The following MRPS6 variants were observed in gnomAD, a reference collection of about 807,000 sequenced individuals.
The protein encoded by MRPS6 is mitochondrial ribosomal protein S6, also known as small ribosomal subunit protein bS6m.
MRPS6 carries 6 observed loss-of-function variants against 13.1 expected under a neutral mutation model. The ratio of observed to expected loss-of-function variants is 0.46; its 90% CI spans 0.25 to 0.91. MRPS6 has a LOEUF of 0.91. Among genes scored for constraint, MRPS6 ranks in the 40% least tolerant of loss-of-function variants. MRPS6 has a pLI of 0.18. For missense variants in MRPS6, 164 were observed against 155.6 expected, an observed-to-expected ratio of 1.05 and a Z score of -0.29; for synonymous variants, 61 against 56.5, an observed-to-expected ratio of 1.08 and a Z score of -0.36.
intron 1 of MRPS6, among the ~76,000 whole-genome samples, chr21:34,092,307 T>G (rs1286595110): frequency 6.6e-6 from 1 of 152,242 alleles, no homozygotes; most frequent in Non-Finnish European, 1.5e-5. Flanking sequence ...TTGTTTTTCC[T>G]TTTCCAGTCT....
At chr21:34,092,912 T>C (rs1001801962) in intron 1 of MRPS6, among the ~76,000 whole-genome samples, 1 of 152,162 alleles carries the variant, frequency 6.6e-6, no homozygotes, top group Non-Finnish European at 1.5e-5. Context: ...GGCCTGAGGA[T>C]GACTTGGATG....
At chr21:34,104,615 GGA>G in intron 1 of MRPS6, 1 of 1,000,176 alleles carries the variant, frequency 1.0e-6, no homozygotes, top group Non-Finnish European at 1.2e-6. Context: ...ACACTTTGAG[GGA>G]GAGATTATTC....
rs1332299877 is a variant in MRPS6, at chr21:34,096,903, G to A, written c.45+23158G>A. On this transcript the variant is annotated intron_variant, in intron 1 of 2. Transcript: ENST00000399312. This position sits in a 1 kb window ranked among gnomAD's most constrained non-coding sequence, Gnocchi z 5.9. ...AAAAGAGGAACCATACAAAATGCAA[G>A]AAAAGAGCATTCTGAGATGCAGTGA... 6.2e-7 allele frequency: 1 copy of A among 1,614,096 alleles called. No homozygotes were observed. The highest frequency in any genetic ancestry group is 8.5e-7 in the Non-Finnish European group (1 of 1,179,984).
chr21:34,104,209 C>G (rs960026634), intron 1 of MRPS6: 20 of 999,892 alleles, frequency 2.0e-5, no homozygotes, highest in African/African-American at 3.5e-5. Flanking sequence ...AATTCTGAAG[C>G]ATATTTGCTA....
intron 2 of MRPS6, chr21:34,135,743 G>A: frequency 2.2e-6 from 1 of 452,798 alleles, no homozygotes; most frequent in Non-Finnish European, 4.4e-6. Flanking sequence ...TCGCCTGTGA[G>A]CAGGTGGATG....
At chr21:34,105,857 A>G in intron 1 of MRPS6, 1 of 994,916 alleles carries the variant, frequency 1.0e-6, no homozygotes, top group Non-Finnish European at 1.2e-6. Context: ...TGAAAGGAGT[A>G]CAGTTGAAAT....
chr21:34,131,244 A>T (rs1980491402), intron 2 of MRPS6, among the ~76,000 whole-genome samples: 2 of 152,096 alleles, frequency 1.3e-5, no homozygotes, highest in Non-Finnish European at 2.9e-5. Context: ...TTGAGTGAGG[A>T]GTTGATCGTG....
intron 1 of MRPS6, among the ~76,000 whole-genome samples, chr21:34,078,157 C>T (rs990352959): frequency 1.3e-5 from 2 of 152,048 alleles, no homozygotes; most frequent in African/African-American, 2.4e-5. Flanking sequence ...TTTTTCTTCC[C>T]ATGGGCCCTC....
At position 34,142,578 on chromosome 21, in the gene MRPS6, CCACAAAGAA is replaced by C; in HGVS notation, c.357_365del (p.Thr120_Lys122del). On this transcript the variant is annotated inframe_deletion, in exon 3 of 3. Coordinates refer to ENST00000399312, the MANE Select transcript of MRPS6 (RefSeq NM_032476.4). ...GTCCCACTCGCAGAAAAATTATATT[CCACAAAGAA>C]GAGGAAGAAGTGAGAAGATTCGCCA... 1 of 1,603,300 alleles carries C rather than the reference CCACAAAGAA, an allele frequency of 6.2e-7. No individual in the cohort carries two copies. Among genetic ancestry groups the C allele is most frequent in the Non-Finnish European group, 8.5e-7 (1 of 1,176,604 alleles).
At position 34,095,009 on chromosome 21, in the gene MRPS6, GTCT is replaced by G. The variant is rs1978899033; in HGVS notation, c.45+21270_45+21272del. 1.5e-5 allele frequency: 10 copies of G among 649,898 alleles called. No homozygotes were observed. In the Admixed American group the frequency reaches 2.8e-4, roughly 18 times the overall value. The allele number at this position is 649,898 out of a possible 1,614,324, so 40.3% of individuals were successfully genotyped here. On this transcript the variant is annotated intron_variant, in intron 1 of 2. Coordinates refer to ENST00000399312, the MANE Select transcript of MRPS6 (RefSeq NM_032476.4). ...AATTAAGAAGCGGAAAATTTAAACT[GTCT>G]TCTTCAAAGTTTATCACAACCACCA...
intron 2 of MRPS6, among the ~76,000 whole-genome samples, chr21:34,127,871 T>C (rs563492568): frequency 6.6e-6 from 1 of 152,304 alleles, no homozygotes; most frequent in East Asian, 1.9e-4. Flanking sequence ...GAAACAGTGG[T>C]TTTATTGGTT....
chr21:34,120,660 G>A (rs1481218997), intron 1 of MRPS6, among the ~76,000 whole-genome samples: 2 of 151,904 alleles, frequency 1.3e-5, no homozygotes, highest in Non-Finnish European at 2.9e-5. Flanking sequence ...TACCTAATCA[G>A]CAAATAATTA....
At chr21:34,117,879 C>T (rs977503162) in intron 1 of MRPS6, among the ~76,000 whole-genome samples, 22 of 152,128 alleles carry the variant, frequency 1.4e-4, no homozygotes, top group Middle Eastern at 3.4e-3. Context: ...GATGTTTTCC[C>T]GCATGTAACT....
At chr21:34,093,151 C>CT (rs2148658403) in intron 1 of MRPS6, among the ~76,000 whole-genome samples, 1 of 151,616 alleles carries the variant, frequency 6.6e-6, no homozygotes, top group African/African-American at 2.4e-5. Flanking sequence ...AACTTGGAAG[C>CT]TTTTGGGGGT....
At chr21:34,108,490 G>A (rs1021654981) in intron 1 of MRPS6, among the ~76,000 whole-genome samples, 2 of 152,126 alleles carry the variant, frequency 1.3e-5, no homozygotes, top group Admixed American at 6.5e-5. Context: ...ACTGCCTAAC[G>A]ACGCATTTCT....
At chr21:34,135,346 GTTTTTTTTTTTTTTT>G (rs747809642) in intron 2 of MRPS6, 1 of 146,426 alleles carries the variant, frequency 6.8e-6, no homozygotes, top group South Asian at 8.9e-5. Flanking sequence ...ATGAGAGCCG[GTTTTTTTTTTTTTTT>G]TTTTTTTTTT....
intron 1 of MRPS6, chr21:34,101,015 G>T: frequency 1.0e-5 from 10 of 1,000,162 alleles, no homozygotes; most frequent in Non-Finnish European, 1.1e-5. Context: ...CACATGGGTC[G>T]TTGGTGGTGA....
intron 1 of MRPS6, among the ~76,000 whole-genome samples, chr21:34,120,374 T>C (rs1376912393): frequency 6.6e-6 from 1 of 152,212 alleles, no homozygotes; most frequent in African/African-American, 2.4e-5. Context: ...TTTGGAAATA[T>C]GTTCTTGTTT....
At chr21:34,104,798 A>G in intron 1 of MRPS6, 2 of 1,000,226 alleles carry the variant, frequency 2.0e-6, no homozygotes, top group Non-Finnish European at 2.4e-6. Context: ...ATAACCTGTT[A>G]ATCCTACGTA....
Sources: allele counts gnomAD v4.1 joint callset (sites outside exome capture counted in the v4.1 genomes callset), GRCh38; gene constraint gnomAD v4.1.1; non-coding constraint Gnocchi (gnomAD v3.1); transcripts MANE v1.5; gene names NCBI Gene and HGNC (gene_info 2026-07-23, HGNC 2026-07-21).